The following OFD1 variants were observed in gnomAD, a reference collection of about 807,000 sequenced individuals.
OFD1 encodes centriole and centriolar satellite protein OFD1.
A neutral mutation model predicts 81.4 loss-of-function variants in OFD1; 12 were observed. The ratio of observed to expected loss-of-function variants is 0.15; its 90% CI spans 0.09 to 0.24. OFD1 has a LOEUF of 0.24. Ranked by LOEUF, OFD1 falls within the 10% of genes least tolerant of loss-of-function variation. The pLI is 1.00. For missense variants in OFD1, 685 were observed against 733.9 expected (o/e 0.93, Z 0.77); for synonymous variants, 256 against 263.7 (o/e 0.97, Z 0.28).
Position 13,769,323 on chromosome X carries a change from A to G in OFD1, c.*215A>G, listed in dbSNP as rs774196787. 5.1e-6 allele frequency: 2 copies of G among 395,100 alleles called. No individual in the cohort carries two copies. Among genetic ancestry groups the G allele is most frequent in the African/African-American group, 2.5e-5 (1 of 39,250 alleles). 32.6% of individuals were successfully genotyped at this position (395,100 alleles called of 1,213,427 possible). On this transcript the variant is annotated 3_prime_UTR_variant, in exon 23 of 23. Coordinates refer to ENST00000340096, the MANE Select transcript of OFD1 (RefSeq NM_003611.3). ...CTCTTCTCCAGTCATAGTATTTCTC[A>G]TTCATTATAATAAAAGTAACTGGCT...
At chrX:13,766,412 C>T (rs1261037486) in intron 19 of OFD1, among the ~76,000 whole-genome samples, 2 of 111,575 alleles carry the variant, frequency 1.8e-5, no homozygotes, top group African/African-American at 3.3e-5. Flanking sequence ...AGAGCATGAT[C>T]GAAGGACCGG....
the OFD1 span, chrX:13,716,273 A>C: frequency 1.7e-6 from 1 of 601,622 alleles, no homozygotes; most frequent in Non-Finnish European, 2.5e-6. Flanking sequence ...AAAGTTAGAA[A>C]ATAACTGTAA....
chrX:13,743,517 C>T (rs2047185391), intron 5 of OFD1, among the ~76,000 whole-genome samples: 2 of 111,887 alleles, frequency 1.8e-5, no homozygotes, highest in African/African-American at 3.3e-5. Context: ...ACATGCATTT[C>T]GAATATATAT....
intron 17 of OFD1, among the ~76,000 whole-genome samples, chrX:13,762,007 A>G (rs191846136): frequency 1.5e-4 from 16 of 104,489 alleles, no homozygotes; most frequent in African/African-American, 5.4e-4. Flanking sequence ...GTGGTGTTGC[A>G]TCTTCATCTG....
At chrX:13,747,741 G>C (rs1357784589) in intron 8 of OFD1, among the ~76,000 whole-genome samples, 1 of 111,591 alleles carries the variant, frequency 9.0e-6, no homozygotes, top group Non-Finnish European at 1.9e-5. Flanking sequence ...ACCAAATGCA[G>C]TATGCTGCCA....
chrX:13,758,430 C>T lies in OFD1; in HGVS notation c.1636C>T (p.Leu546=). ...TTQVADLKLQ[L]KQTQTALENE... ...TCAGGTTGCCGATTTAAAATTGCAA[C>T]TGAAGCAAACTCAGACAGGTTAGAG... The change falls in exon 15 of 23, where the codon CTG becomes TTG. Residue 546 remains leucine (L), a synonymous_variant. Transcript: ENST00000340096. 8.5e-7 allele frequency: 1 copy of T among 1,171,383 alleles called. No individual in the cohort carries two copies. The highest frequency in any genetic ancestry group is 1.2e-6 in the Non-Finnish European group (1 of 859,670).
At chrX:13,757,833 C>G (rs762668068) in intron 14 of OFD1, 43 bp downstream of exon 14, 1 of 1,192,706 alleles carries the variant, frequency 8.4e-7, no homozygotes, top group East Asian at 3.0e-5. Flanking sequence ...TACCAGTACA[C>G]TTCATAGTTA....
At chrX:13,715,827 T>C in the OFD1 span, 7 of 974,398 alleles carry the variant, frequency 7.2e-6, no homozygotes, top group Non-Finnish European at 9.2e-6. Flanking sequence ...CCTAAATACA[T>C]ATTCACCTGG....
In OFD1 at chrX:13,760,485, G is replaced by T. The variant is rs149473481; in HGVS notation, c.2025G>T (p.Leu675Phe). Reference protein sequence around the residue: ...LAAKSPPSLHLLEAFKNITSS... With the variant: ...LAAKSPPSLHFLEAFKNITSS... ...CAAAGAGCCCACCATCTCTGCACTT[G>T]CTGGAAGCCTTCAAAAACATTACTT... Residue 675 changes from leucine to phenylalanine, a missense_variant, in exon 16 of 23, where the codon TTG (leucine) becomes TTT (phenylalanine). By Grantham distance (22) the Leu-to-Phe change is conservative. This residue lies in a region of OFD1 where 259 missense variants were observed against 254.4 expected (regional missense o/e 1.02). Transcript: ENST00000340096. 27 of 1,167,305 alleles carry T rather than the reference G, an allele frequency of 2.3e-5. No individual in the cohort carries two copies. The highest frequency in any genetic ancestry group is 5.0e-4 in the Middle Eastern group (2 of 3,979).
the OFD1 span, chrX:13,720,099 C>G: frequency 2.0e-6 from 1 of 505,940 alleles, no homozygotes; most frequent in Non-Finnish European, 3.0e-6. Flanking sequence ...GAGGAAGATG[C>G]TACTAAGCTT....
chrX:13,752,789 C>T, intron 10 of OFD1: 1 of 970,926 alleles, frequency 1.0e-6, no homozygotes. Context: ...CTCTTCGCCA[C>T]AGGAGTGCTT....
chrX:13,752,528 C>G (rs961193757), intron 10 of OFD1, among the ~76,000 whole-genome samples: 1 of 112,059 alleles, frequency 8.9e-6, no homozygotes, highest in Non-Finnish European at 1.9e-5. Context: ...GCTTTTTTAT[C>G]TATTGATTTT....
chrX:13,738,058 C>A (rs1157541206), intron 3 of OFD1, among the ~76,000 whole-genome samples: 1 of 111,365 alleles, frequency 9.0e-6, no homozygotes, highest in Non-Finnish European at 1.9e-5. Flanking sequence ...CCATGTTGGC[C>A]AGGCTGGTCT....
Position 13,736,067 on chromosome X carries a change from A to G in OFD1, c.112-411A>G, listed in dbSNP as rs143015524. On this transcript the variant is annotated intron_variant, in intron 2 of 22. Transcript: ENST00000340096. ...TGGATATTTTTGTAATGTATATAGC[A>G]GTCCCCTGTTGTTGAATATTTTGGT... 3 of 647,744 alleles carry G rather than the reference A, an allele frequency of 4.6e-6. No homozygotes were observed. In the African/African-American group the frequency reaches 7.3e-5, roughly 16 times the overall value. The allele number at this position is 647,744 out of a possible 1,213,427, so 53.4% of individuals were successfully genotyped here. A position where few individuals can be genotyped will look rare whatever the true frequency, so the allele number is the denominator to read the frequency against.
chrX:13,750,144 C>A (rs1010504588), intron 9 of OFD1, among the ~76,000 whole-genome samples: 2 of 111,982 alleles, frequency 1.8e-5, no homozygotes, highest in Non-Finnish European at 3.8e-5. Flanking sequence ...GAATTTGGCT[C>A]CATTAATGTT....
chrX:13,751,275 A>G lies in OFD1; in HGVS notation c.962A>G (p.His321Arg). Residue 321 changes from histidine to arginine, a missense_variant, in exon 10 of 23, where the codon CAT (histidine) becomes CGT (arginine). Physicochemically the swap from His to Arg is conservative, Grantham distance 29 (BLOSUM62 0). Transcript: ENST00000340096. ...AACCAGAAGCTCCAGGAAGAAAAACATAAAAGCATAACTGAGGCACTTAGG... is the reference window on the plus strand; with the variant it reads ...AACCAGAAGCTCCAGGAAGAAAAACGTAAAAGCATAACTGAGGCACTTAGG... ...ELNQKLQEEKHKSITEALRRQ... is the reference protein window; with the variant it reads ...ELNQKLQEEKRKSITEALRRQ... 5.8e-6 allele frequency: 7 copies of G among 1,208,115 alleles called. No homozygotes were observed. The highest frequency in any genetic ancestry group is 7.8e-6 in the Non-Finnish European group (7 of 892,462).
downstream of OFD1, chrX:13,771,619 T>C (rs1310952606): frequency 1.8e-5 from 2 of 111,839 alleles, no homozygotes; most frequent in Non-Finnish European, 3.8e-5. Flanking sequence ...AGCAGCCCCT[T>C]TGAAAAGCAC....
At position 13,768,780 on chromosome X, in the gene OFD1, C is replaced by T. The variant is rs373088434; in HGVS notation, c.2991C>T (p.Val997=). 8 of 1,197,826 alleles carry T rather than the reference C, an allele frequency of 6.7e-6. No homozygotes were observed. Among genetic ancestry groups the T allele is most frequent in the Admixed American group, 6.6e-5 (3 of 45,756 alleles). ...LVDTLQSSDK[V]ESLTGFSHEE... ...ACACGCTGCAATCTAGTGACAAAGTCGAAAGGTACCTGTTTTCCCTACACA... is the reference window on the plus strand; with the variant it reads ...ACACGCTGCAATCTAGTGACAAAGTTGAAAGGTACCTGTTTTCCCTACACA... The change falls in exon 22 of 23, where the codon GTC becomes GTT. Residue 997 remains valine, a synonymous_variant. Transcript: ENST00000340096.
rs373444970 is a variant in OFD1 at position 13,747,666 on chromosome X, G to A, written c.828+713G>A. ...GGACTCGATCTGGATAGACTGGTAGGTGGAAGAATGAGGATGGTCCAAGAT... is the reference window on the plus strand; with the variant it reads ...GGACTCGATCTGGATAGACTGGTAGATGGAAGAATGAGGATGGTCCAAGAT... On this transcript the variant is annotated intron_variant, in intron 8 of 22. Transcript: ENST00000340096. Among the ~76,000 whole-genome samples the A allele has an allele frequency of 4.5e-5, 5 of 111,849 alleles. No individual in the cohort carries two copies. The South Asian group carries it at 1.9e-3, about 42-fold the overall frequency.
Sources: gnomAD v4.1 joint callset for allele counts (sites outside exome capture counted in the v4.1 genomes callset) on GRCh38, gnomAD v4.1.1 for gene constraint, gnomAD v4.1.1 regional missense constraint, MANE v1.5 for transcripts, NCBI Gene and HGNC (gene_info 2026-07-23, HGNC 2026-07-21) for gene names.